The following EZR variants were observed in gnomAD, a reference collection of about 807,000 sequenced individuals.
EZR encodes the protein ezrin.
EZR carries 40 observed loss-of-function variants against 74.8 expected under a neutral mutation model. The observed-to-expected ratio is 0.53, with a 90% CI of 0.42 to 0.70. The LOEUF (loss-of-function observed/expected upper bound fraction) is 0.70. Ranked by LOEUF, EZR falls within the 30% of genes least tolerant of loss-of-function variation. The pLI, the probability that EZR is intolerant of heterozygous loss-of-function variation, is 0.00. For synonymous variants in EZR, 341 were observed against 283.3 expected (o/e 1.20, Z -2.05); for missense variants, 678 against 755.8 (o/e 0.90, Z 1.21).
intron 2 of EZR, 122 bp downstream of exon 2, chr6:158,817,960 A>T: frequency 1.1e-6 from 1 of 921,102 alleles, no homozygotes; most frequent in Admixed American, 2.3e-5. Context: ...TCCTATTCCT[A>T]TCGTCTTCTG....
At chr6:158,818,252 T>G in intron 1 of EZR, 86 bp from the exon 2 acceptor site, 1 of 684,884 alleles carries the variant, frequency 1.5e-6, no homozygotes, top group Non-Finnish European at 2.3e-6. Context: ...CGCAGCGCGC[T>G]GCCGCTTAAG....
chr6:158,787,021 AAGAC>A, intron 4 of EZR, 83 bp downstream of exon 4: 2 of 1,082,172 alleles, frequency 1.8e-6, no homozygotes, highest in Non-Finnish European at 2.8e-6. Flanking sequence ...CAGAAAACAA[AAGAC>A]AGGGTGAGTT....
At chr6:158,814,928 A>G (rs1777523401) in intron 2 of EZR, among the ~76,000 whole-genome samples, 1 of 152,182 alleles carries the variant, frequency 6.6e-6, no homozygotes, top group Admixed American at 6.5e-5. Context: ...TGTTTTATGA[A>G]TAAAGTCATC....
At chr6:158,816,454 T>A (rs1777556048) in intron 2 of EZR, among the ~76,000 whole-genome samples, 1 of 152,212 alleles carries the variant, frequency 6.6e-6, no homozygotes, top group Non-Finnish European at 1.5e-5. Flanking sequence ...CTGCACCTCT[T>A]CTTTTAGTGA....
At chr6:158,788,953 G>A (rs1435252298) in intron 3 of EZR, among the ~76,000 whole-genome samples, 1 of 152,136 alleles carries the variant, frequency 6.6e-6, no homozygotes. Flanking sequence ...TACAGGGTGA[G>A]AGACACACAG....
At chr6:158,790,449 T>C (rs1017744341) in intron 2 of EZR, among the ~76,000 whole-genome samples, 1 of 152,218 alleles carries the variant, frequency 6.6e-6, no homozygotes, top group Non-Finnish European at 1.5e-5. Flanking sequence ...CCGAGGCAGG[T>C]GGACCACTTG....
At chr6:158,774,703 A>G (rs900122292) in intron 8 of EZR, among the ~76,000 whole-genome samples, 4 of 148,418 alleles carry the variant, frequency 2.7e-5, no homozygotes, top group Non-Finnish European at 3.0e-5. Context: ...ACACACACAC[A>G]CACACACACA....
intron 2 of EZR, among the ~76,000 whole-genome samples, chr6:158,791,400 G>A (rs1296357574): frequency 1.3e-5 from 2 of 151,988 alleles, no homozygotes; most frequent in East Asian, 1.9e-4. Context: ...ATAAAAGCAC[G>A]CATTTCTCTC....
At chr6:158,769,178 T>C (rs1791015712) in intron 12 of EZR, 148 bp downstream of exon 12, 2 of 643,346 alleles carry the variant, frequency 3.1e-6, no homozygotes, top group Non-Finnish European at 5.5e-6. Flanking sequence ...TGGCAGAGGA[T>C]CATGAGACAT....
intron 2 of EZR, among the ~76,000 whole-genome samples, chr6:158,810,883 C>T (rs1777438619): frequency 6.6e-6 from 1 of 152,184 alleles, no homozygotes; most frequent in Non-Finnish European, 1.5e-5. Context: ...AACATTCTTT[C>T]CACTTAAAAA....
At chr6:158,771,455 TTTC>T in intron 8 of EZR, 48 bp from the exon 9 acceptor site, 1 of 1,529,992 alleles carries the variant, frequency 6.5e-7, no homozygotes, top group Non-Finnish European at 8.8e-7. Context: ...TTCGTTTGGT[TTTC>T]TTCTCCAAAC....
Position 158,787,207 on chromosome 6 carries a change from C to T in EZR, c.97-4G>A, listed in dbSNP as rs775066534. The T allele has an allele frequency of 1.6e-5, 25 of 1,610,570 alleles. No individual in the cohort carries two copies. Among genetic ancestry groups the T allele is most frequent in the South Asian group, 3.3e-5 (3 of 91,032 alleles). ...GGAGGCCGATAGTCTTTACCACCTG[C>T]GTGAGAGAGAGAGAGGCTCAACACT... is the stretch of plus-strand genomic sequence containing the variant. On this transcript the variant is annotated splice_region_variant and splice_polypyrimidine_tract_variant and intron_variant, in intron 3 of 13. Coordinates refer to ENST00000367075, the MANE Select transcript of EZR (RefSeq NM_001111077.2).
chr6:158,810,402 TCTC>T (rs1206388466), intron 2 of EZR, among the ~76,000 whole-genome samples: 3 of 152,150 alleles, frequency 2.0e-5, no homozygotes, highest in Admixed American at 2.0e-4. Flanking sequence ...AGGGCACACT[TCTC>T]TTCTGTGAAG....
At chr6:158,811,479 T>C (rs1271437889) in intron 2 of EZR, among the ~76,000 whole-genome samples, 2 of 152,182 alleles carry the variant, frequency 1.3e-5, no homozygotes, top group African/African-American at 2.4e-5. Context: ...TATAAAAGTT[T>C]AAGTTAAAAA....
intron 2 of EZR, among the ~76,000 whole-genome samples, chr6:158,810,996 C>A (rs1360474008): frequency 6.6e-6 from 1 of 152,130 alleles, no homozygotes; most frequent in Admixed American, 6.5e-5. Context: ...CTCTTTATAG[C>A]TCTTTGTGGT....
chr6:158,800,579 T>A (rs1777167012), intron 2 of EZR, among the ~76,000 whole-genome samples: 1 of 152,148 alleles, frequency 6.6e-6, no homozygotes, highest in Non-Finnish European at 1.5e-5. Context: ...GGCAGGTGGA[T>A]CACTTGAGAC....
At position 158,789,875 on chromosome 6, in the gene EZR, C is replaced by T. The variant is rs576334150; in HGVS notation, c.13-504G>A. Among the ~76,000 whole-genome samples the T allele has an allele frequency of 6.6e-5, 10 of 152,380 alleles. No homozygotes were observed. The South Asian group carries it at 2.1e-3, about 32-fold the overall frequency. ...GCTCAAGCAAGCCTCCCATCTCAGC[C>T]TCCCATAGTGCTGAGATTATAGGCA... is the stretch of plus-strand genomic sequence containing the variant. On this transcript the variant is annotated intron_variant, in intron 2 of 13. Coordinates refer to ENST00000367075, the MANE Select transcript of EZR (RefSeq NM_001111077.2).
chr6:158,813,576 G>T (rs756803366), intron 2 of EZR, among the ~76,000 whole-genome samples: 2 of 152,238 alleles, frequency 1.3e-5, no homozygotes, highest in Non-Finnish European at 2.9e-5. Context: ...CAGATGCTAC[G>T]CATCCTCCTC....
At chr6:158,819,236 A>G (rs961074513) in intron 1 of EZR, 81 bp downstream of exon 1, 41 of 151,998 alleles carry the variant, frequency 2.7e-4, no homozygotes, top group African/African-American at 9.2e-4. Context: ...CTGCCGCCGA[A>G]CCCCGCCGCC....
Sources: allele counts gnomAD v4.1 joint callset (sites outside exome capture counted in the v4.1 genomes callset), GRCh38; gene constraint gnomAD v4.1.1; transcripts MANE v1.5; gene names NCBI Gene and HGNC (gene_info 2026-07-23, HGNC 2026-07-21).